The following UQCR10 variants were observed in gnomAD, a reference collection of about 807,000 sequenced individuals.
UQCR10 encodes the protein cytochrome b-c1 complex subunit 9.
Under a neutral mutation model 6.0 loss-of-function variants are expected in UQCR10, and 5 were observed. The observed-to-expected ratio is 0.83, with a 90% CI of 0.43 to 1.74. The LOEUF is 1.74. Ranked by LOEUF, UQCR10 falls within the 40% of genes most tolerant of loss-of-function variation. The pLI, the probability that UQCR10 is intolerant of heterozygous loss-of-function variation, is 0.02. For missense variants in UQCR10, 101 were observed against 85.1 expected (o/e 1.19, Z -0.74); for synonymous variants, 40 against 37.4 (o/e 1.07, Z -0.26).
Position 29,770,330 on chromosome 22 carries a change from C to T in UQCR10, c.*611C>T. On this transcript the variant is annotated 3_prime_UTR_variant, in exon 2 of 2. Coordinates refer to ENST00000330029, the MANE Select transcript of UQCR10 (RefSeq NM_013387.4). Reference sequence around the variant, plus strand: ...ATTGTCTTGGGCCACACATAAAATACAGTAACCATAGCTGATGAGCTAAAA... The same window carrying T: ...ATTGTCTTGGGCCACACATAAAATATAGTAACCATAGCTGATGAGCTAAAA... 1 of 204,048 alleles carries T rather than the reference C, an allele frequency of 4.9e-6. No homozygotes were observed. The highest frequency in any genetic ancestry group is 8.1e-5 in the South Asian group (1 of 12,332). The allele number at this position is 204,048 out of a possible 1,614,324, so 12.6% of individuals were successfully genotyped here. A position where few individuals can be genotyped will look rare whatever the true frequency, so the allele number is the denominator to read the frequency against.
chr22:29,770,070 A>G lies in UQCR10; in HGVS notation c.*351A>G. 7 of 408,216 alleles carry G rather than the reference A, an allele frequency of 1.7e-5. No homozygotes were observed. Among genetic ancestry groups the G allele is most frequent in the South Asian group, 1.4e-4 (7 of 50,036 alleles). 25.3% of individuals were successfully genotyped at this position (408,216 alleles called of 1,614,324 possible). A position where few individuals can be genotyped will look rare whatever the true frequency, so the allele number is the denominator to read the frequency against. On this transcript the variant is annotated 3_prime_UTR_variant, in exon 2 of 2. Transcript: ENST00000330029. Reference sequence around the variant, plus strand: ...AATCTGCTATTTTGAGTTTTCCATTAACTTCCAAAGAATTCTGGTTTTCAA... The same window carrying G: ...AATCTGCTATTTTGAGTTTTCCATTGACTTCCAAAGAATTCTGGTTTTCAA...
intron 1 of UQCR10, among the ~76,000 whole-genome samples, chr22:29,768,070 G>A (rs1438843807): frequency 6.6e-6 from 1 of 152,172 alleles, no homozygotes; most frequent in Non-Finnish European, 1.5e-5. Context: ...CCTTGGATAG[G>A]AACACTGGTC....
chr22:29,769,543 C>T, intron 1 of UQCR10, 135 bp from the exon 2 acceptor site: 3 of 1,004,906 alleles, frequency 3.0e-6, no homozygotes, highest in Non-Finnish European at 4.4e-6. Flanking sequence ...AGTTTGCCCA[C>T]CACAAGTGTA....
intron 1 of UQCR10, among the ~76,000 whole-genome samples, chr22:29,769,224 C>T (rs1285209398): frequency 1.3e-5 from 2 of 151,994 alleles, no homozygotes; most frequent in African/African-American, 2.4e-5. Flanking sequence ...CATGAAGGCT[C>T]GGCGCGGTGG....
chr22:29,768,629 TTTG>T (rs2068242458), intron 1 of UQCR10, among the ~76,000 whole-genome samples: 1 of 149,624 alleles, frequency 6.7e-6, no homozygotes, highest in Non-Finnish European at 1.5e-5. Context: ...TTTTTTTTGT[TTTG>T]TTTTGTTTTT....
rs370631569 is a variant in UQCR10 at position 29,769,673 on chromosome 22, T to C, written c.151-5T>C. 6.5e-6 allele frequency: 9 copies of C among 1,394,058 alleles called. No homozygotes were observed. The highest frequency in any genetic ancestry group is 9.0e-6 in the Non-Finnish European group (9 of 996,018). 86.4% of individuals were successfully genotyped at this position (1,394,058 alleles called of 1,614,324 possible). ...AAGTTTGTGGCTCTTGTCTTTAAAA[T>C]GCAGAAGCTGTGGAAACACATCAAG... On this transcript the variant is annotated splice_region_variant and splice_polypyrimidine_tract_variant and intron_variant, in intron 1 of 1. Coordinates refer to ENST00000330029, the MANE Select transcript of UQCR10 (RefSeq NM_013387.4).
chr22:29,767,463 C>A lies in UQCR10; in HGVS notation c.65C>A (p.Ala22Asp). Residue 22 changes from alanine to aspartate, a missense_variant, in exon 1 of 2, where the codon GCC (alanine) becomes GAC (aspartate). Physicochemically the swap from Ala to Asp is moderately radical, Grantham distance 126. Transcript: ENST00000330029. ...SLLFRRTSTF[A>D]LTIIVGVMFF... Reference sequence around the variant, plus strand: ...CTGTTCCGCAGGACCTCCACCTTCGCCCTCACCATCATCGTGGGCGTCATG... The same window carrying A: ...CTGTTCCGCAGGACCTCCACCTTCGACCTCACCATCATCGTGGGCGTCATG... The A allele has an allele frequency of 1.9e-6, 3 of 1,614,034 alleles. No individual in the cohort carries two copies. In the South Asian group the frequency reaches 3.3e-5, roughly 18 times the overall value.
rs1601738718 is a variant in UQCR10, at chr22:29,770,034, C to T, written c.*315C>T. 1 of 503,632 alleles carries T rather than the reference C, an allele frequency of 2.0e-6. No individual in the cohort carries two copies. Among genetic ancestry groups the T allele is most frequent in the Non-Finnish European group, 3.8e-6 (1 of 266,280 alleles). 31.2% of individuals were successfully genotyped at this position (503,632 alleles called of 1,614,324 possible). A position where few individuals can be genotyped will look rare whatever the true frequency, so the allele number is the denominator to read the frequency against. On this transcript the variant is annotated 3_prime_UTR_variant, in exon 2 of 2. Transcript: ENST00000330029. ...CCACTTCAAAGCCCTCTGCAAACAC[C>T]CCAAAGGCAGAATCTGCTATTTTGA...
chr22:29,768,627 G>GT (rs1444114939), intron 1 of UQCR10, among the ~76,000 whole-genome samples: 6 of 138,334 alleles, frequency 4.3e-5, no homozygotes, highest in African/African-American at 1.7e-4. Context: ...GCTTTTTTTT[G>GT]TTTTGTTTTG....
intron 1 of UQCR10, 42 bp downstream of exon 1, chr22:29,767,590 G>A: frequency 6.2e-7 from 1 of 1,602,936 alleles, no homozygotes; most frequent in Non-Finnish European, 8.5e-7. Flanking sequence ...CCGCCTGAGG[G>A]GTGACAGTGG....
chr22:29,769,758 C>T lies in UQCR10; in HGVS notation c.*39C>T, dbSNP rs1255284051. 1.9e-6 allele frequency: 3 copies of T among 1,593,916 alleles called. No homozygotes were observed. ...CCCATCCAGGCCAGAAGGACCAGGT[C>T]CACCCAGCAGCTGTTTGCCCAGAGC... On this transcript the variant is annotated 3_prime_UTR_variant, in exon 2 of 2. Coordinates refer to ENST00000330029, the MANE Select transcript of UQCR10 (RefSeq NM_013387.4).
rs781316546 is a variant in UQCR10, at chr22:29,767,484, T to C, written c.86T>C (p.Val29Ala). ...STFALTIIVG[V>A]MFFERAFDQG... Reference sequence around the variant, plus strand: ...TTCGCCCTCACCATCATCGTGGGCGTCATGTTCTTCGAGCGCGCCTTCGAT... The same window carrying C: ...TTCGCCCTCACCATCATCGTGGGCGCCATGTTCTTCGAGCGCGCCTTCGAT... The change falls in exon 1 of 2, where the codon GTC (valine) becomes GCC (alanine). Residue 29 changes from valine to alanine, a missense_variant. Transcript: ENST00000330029. 6.2e-7 allele frequency: 1 copy of C among 1,613,770 alleles called. No homozygotes were observed. Among genetic ancestry groups the C allele is most frequent in the Non-Finnish European group, 8.5e-7 (1 of 1,179,868 alleles).
At position 29,769,829 on chromosome 22, in the gene UQCR10, C is replaced by A; in HGVS notation, c.*110C>A. 7.9e-7 allele frequency: 1 copy of A among 1,261,420 alleles called. No homozygotes were observed. The highest frequency in any genetic ancestry group is 1.1e-6 in the Non-Finnish European group (1 of 882,958). 78.1% of individuals were successfully genotyped at this position (1,261,420 alleles called of 1,614,324 possible). ...GATGCTCAAGGTACTCTTCATGGAC[C>A]ACCATTCGCTGTTGGCAAGAAACGG... On this transcript the variant is annotated 3_prime_UTR_variant, in exon 2 of 2. Transcript: ENST00000330029.
At position 29,770,230 on chromosome 22, in the gene UQCR10, T is replaced by C; in HGVS notation, c.*511T>C. 1 of 346,086 alleles carries C rather than the reference T, an allele frequency of 2.9e-6. No homozygotes were observed. Among genetic ancestry groups the C allele is most frequent in the Non-Finnish European group, 5.7e-6 (1 of 175,910 alleles). 21.4% of individuals were successfully genotyped at this position (346,086 alleles called of 1,614,324 possible). On this transcript the variant is annotated 3_prime_UTR_variant, in exon 2 of 2. Coordinates refer to ENST00000330029, the MANE Select transcript of UQCR10 (RefSeq NM_013387.4). ...TGGGGGAAAGACCCTGGCCTAGGGGTCTTAGCCACTCCCCACCCTAGGGTA... is the reference window on the plus strand; with the variant it reads ...TGGGGGAAAGACCCTGGCCTAGGGGCCTTAGCCACTCCCCACCCTAGGGTA...
At chr22:29,767,573 C>A in intron 1 of UQCR10, 25 bp downstream of exon 1, 1 of 1,501,494 alleles carries the variant, frequency 6.7e-7, no homozygotes. Flanking sequence ...CATCCCTGAC[C>A]TTGGACCCGC....
chr22:29,769,737 TC>T lies in UQCR10; in HGVS notation c.*20del. On this transcript the variant is annotated 3_prime_UTR_variant, in exon 2 of 2. Transcript: ENST00000330029. Reference sequence around the variant, plus strand: ...ACAAGTAGTTCCTTGGAGGCCCCCATCCAGGCCAGAAGGACCAGGTCCACCC... The same window carrying T: ...ACAAGTAGTTCCTTGGAGGCCCCCATCAGGCCAGAAGGACCAGGTCCACCC... 1 of 1,604,044 alleles carries T rather than the reference TC, an allele frequency of 6.2e-7. No individual in the cohort carries two copies. Among genetic ancestry groups the T allele is most frequent in the Non-Finnish European group, 8.5e-7 (1 of 1,175,524 alleles).
intron 1 of UQCR10, 104 bp downstream of exon 1, chr22:29,767,652 G>A: frequency 2.1e-6 from 3 of 1,441,186 alleles, no homozygotes; most frequent in African/African-American, 1.4e-5. Flanking sequence ...GGGGTAAGGG[G>A]TAAACCGTCG....
Position 29,769,848 on chromosome 22 carries a change from G to T in UQCR10, c.*129G>T. ...ATGGACCACCATTCGCTGTTGGCAAGAAACGGCTTTACTTACAAAACAGAC... is the reference window on the plus strand; with the variant it reads ...ATGGACCACCATTCGCTGTTGGCAATAAACGGCTTTACTTACAAAACAGAC... On this transcript the variant is annotated 3_prime_UTR_variant, in exon 2 of 2. Transcript: ENST00000330029. 9.2e-7 allele frequency: 1 copy of T among 1,084,196 alleles called. No homozygotes were observed. Among genetic ancestry groups the T allele is most frequent in the Non-Finnish European group, 1.4e-6 (1 of 722,664 alleles). 67.2% of individuals were successfully genotyped at this position (1,084,196 alleles called of 1,614,324 possible). A position where few individuals can be genotyped will look rare whatever the true frequency, so the allele number is the denominator to read the frequency against.
chr22:29,768,105 G>A (rs1053714294), intron 1 of UQCR10, among the ~76,000 whole-genome samples: 5 of 152,202 alleles, frequency 3.3e-5, no homozygotes, highest in Non-Finnish European at 5.9e-5. Context: ...GTGGCATTAA[G>A]TTGAGCAAGT....
Sources: gnomAD v4.1 joint callset for allele counts (sites outside exome capture counted in the v4.1 genomes callset) on GRCh38, gnomAD v4.1.1 for gene constraint, MANE v1.5 for transcripts, NCBI Gene and HGNC (gene_info 2026-07-23, HGNC 2026-07-21) for gene names.